Variants in ART4 observed in about 807,000 individuals in gnomAD.
The protein encoded by ART4 is ADP-ribosyltransferase 4 (inactive) (Dombrock blood group), also known as ecto-ADP-ribosyltransferase 4.
A neutral mutation model predicts 24.2 loss-of-function variants in ART4; 14 were observed. That is an observed-to-expected ratio of 0.58 (90% CI 0.38 to 0.90). ART4 has a LOEUF of 0.90. Ranked by LOEUF, ART4 falls within the 40% of genes least tolerant of loss-of-function variation. The pLI is 0.00. For missense variants in ART4, 356 were observed against 366.6 expected, an observed-to-expected ratio of 0.97 and a Z score of 0.24; for synonymous variants, 145 against 139.9, an observed-to-expected ratio of 1.04 and a Z score of -0.26.
chr12:14,840,731 C>T lies in ART4; in HGVS notation c.567G>A (p.Thr189=), dbSNP rs35806937. 179 of 1,614,098 alleles carry T rather than the reference C, an allele frequency of 1.1e-4. No homozygotes were observed. In the African/African-American group the frequency reaches 2.1e-3, roughly 19 times the overall value. ...GTLCYEVHYR[T]KDVHFNAYTG... ...TGTAGGCATTAAAGTGGACATCCTT[C>T]GTCCTATAATGCACCTCATAGCACA... Residue 189 remains threonine, a synonymous_variant, in exon 2 of 3, where the codon ACG becomes ACA. Coordinates refer to ENST00000228936, the MANE Select transcript of ART4 (RefSeq NM_021071.4).
At chr12:14,829,511 T>A (rs1315900446) in intron 2 of ART4, 49 bp from the exon 3 acceptor site, 8 of 1,311,884 alleles carry the variant, frequency 6.1e-6, no homozygotes, top group East Asian at 2.4e-5. Flanking sequence ...GAGTTTTTTT[T>A]AAAACTACCT....
At chr12:14,831,116 A>G (rs754297753) in intron 2 of ART4, among the ~76,000 whole-genome samples, 2 of 152,000 alleles carry the variant, frequency 1.3e-5, no homozygotes, top group Non-Finnish European at 2.9e-5. Context: ...AGCTTCCTGG[A>G]ATGTAATGTC....
Position 14,840,743 on chromosome 12 carries a change from C to G in ART4, c.555G>C (p.Val185=), listed in dbSNP as rs904674521. The stretch of plus-strand genomic sequence containing the variant: ...AGTGGACATCCTTCGTCCTATAATG[C>G]ACCTCATAGCACAGAGTGCCATTCT... ...IMENGTLCYE[V]HYRTKDVHFN... is the part of the protein sequence containing the mutation. The change falls in exon 2 of 3, where the codon GTG becomes GTC. Residue 185 remains valine (V), a synonymous_variant. Coordinates refer to ENST00000228936, the MANE Select transcript of ART4 (RefSeq NM_021071.4). 1 of 1,614,028 alleles carries G rather than the reference C, an allele frequency of 6.2e-7. No individual in the cohort carries two copies. The highest frequency in any genetic ancestry group is 1.3e-5 in the African/African-American group (1 of 74,930).
intron 2 of ART4, among the ~76,000 whole-genome samples, chr12:14,830,345 G>T (rs1950385939): frequency 6.6e-6 from 1 of 151,812 alleles, no homozygotes; most frequent in Non-Finnish European, 1.5e-5. Flanking sequence ...ATAAAGACTG[G>T]AATCTCTTTG....
At chr12:14,837,970 G>T (rs549084604) in intron 2 of ART4, among the ~76,000 whole-genome samples, 1 of 152,218 alleles carries the variant, frequency 6.6e-6, no homozygotes, top group East Asian at 1.9e-4. Context: ...AGTGGGTCTG[G>T]GCTCAAACTG....
In ART4 at chr12:14,828,674, G is replaced by A. The variant is rs1468401242; in HGVS notation, c.*697C>T. ...TTCGTTGGAACTTCAACTGCTTGAT[G>A]CTTGACATAGAAAATCTAATTCAAA... On this transcript the variant is annotated 3_prime_UTR_variant, in exon 3 of 3. Transcript: ENST00000228936. 1.3e-5 allele frequency: 2 copies of A among 152,098 alleles called. No individual in the cohort carries two copies. Among genetic ancestry groups the A allele is most frequent in the East Asian group, 3.9e-4 (2 of 5,190 alleles). 9.4% of individuals were successfully genotyped at this position (152,098 alleles called of 1,614,324 possible).
intron 2 of ART4, among the ~76,000 whole-genome samples, chr12:14,831,599 G>T (rs538490806): frequency 3.6e-4 from 54 of 151,978 alleles, no homozygotes; most frequent in Admixed American, 8.5e-4. Flanking sequence ...TTTTAAAATG[G>T]GAGTGTCCTG....
At chr12:14,834,114 G>T (rs1055944581) in intron 2 of ART4, among the ~76,000 whole-genome samples, 2 of 152,254 alleles carry the variant, frequency 1.3e-5, no homozygotes, top group East Asian at 3.9e-4. Context: ...GAAGAAACAG[G>T]CTCAGAGGTT....
In ART4 at chr12:14,828,618, A is replaced by G. The variant is rs1390836888; in HGVS notation, c.*753T>C. The G allele has an allele frequency of 9.1e-6, 1 of 109,718 alleles. No individual in the cohort carries two copies. Among genetic ancestry groups the G allele is most frequent in the Admixed American group, 1.0e-4 (1 of 10,050 alleles). The allele number at this position is 109,718 out of a possible 1,614,324, so 6.8% of individuals were successfully genotyped here. A position where few individuals can be genotyped will look rare whatever the true frequency, so the allele number is the denominator to read the frequency against. ...TGATTTGTTCCTATTTAGAATAACT[A>G]AATTAAAAAAAATAAGGAAGAGTGC... On this transcript the variant is annotated 3_prime_UTR_variant, in exon 3 of 3. Coordinates refer to ENST00000228936, the MANE Select transcript of ART4 (RefSeq NM_021071.4).
intron 1 of ART4, 48 bp downstream of exon 1, chr12:14,842,922 G>A (rs1475456594): frequency 6.3e-7 from 1 of 1,577,982 alleles, no homozygotes; most frequent in Non-Finnish European, 8.6e-7. Context: ...TGAATGCTCT[G>A]TTGGAGCACT....
intron 2 of ART4, among the ~76,000 whole-genome samples, chr12:14,838,871 AG>A (rs1296676101): frequency 6.6e-6 from 1 of 151,436 alleles, no homozygotes; most frequent in Non-Finnish European, 1.5e-5. Context: ...GCTGACTGTG[AG>A]TGTGAATAAA....
intron 1 of ART4, among the ~76,000 whole-genome samples, chr12:14,842,237 C>G (rs1474087418): frequency 1.3e-5 from 2 of 152,090 alleles, no homozygotes; most frequent in Non-Finnish European, 2.9e-5. Context: ...TCGTAATAAA[C>G]AGTACTCATT....
intron 2 of ART4, among the ~76,000 whole-genome samples, chr12:14,829,949 A>G (rs77891007): frequency 0.074 from 11,280 of 152,220 alleles, 528 homozygotes; most frequent in Non-Finnish European, 0.11. Flanking sequence ...ATGAGAAAAA[A>G]CTTGCCAGTG....
At chr12:14,833,466 C>T (rs944471342) in intron 2 of ART4, among the ~76,000 whole-genome samples, 2 of 152,120 alleles carry the variant, frequency 1.3e-5, no homozygotes, top group African/African-American at 4.8e-5. Context: ...AATAATTTTA[C>T]GCAAATCCCT....
At chr12:14,839,411 G>A (rs1254792775) in intron 2 of ART4, among the ~76,000 whole-genome samples, 6 of 152,172 alleles carry the variant, frequency 3.9e-5, no homozygotes, top group African/African-American at 9.7e-5. Flanking sequence ...CACAGACTGC[G>A]TAATCTGTAA....
chr12:14,837,029 A>C (rs1159718030), intron 2 of ART4, among the ~76,000 whole-genome samples: 1 of 152,104 alleles, frequency 6.6e-6, no homozygotes, highest in Non-Finnish European at 1.5e-5. Context: ...ACACTGCAAT[A>C]CCGAGACAGC....
In ART4 at chr12:14,840,767, C is replaced by T. The variant is rs746923412; in HGVS notation, c.531G>A (p.Glu177=). 2 of 1,614,180 alleles carry T rather than the reference C, an allele frequency of 1.2e-6. No individual in the cohort carries two copies. Among genetic ancestry groups the T allele is most frequent in the African/African-American group, 1.3e-5 (1 of 75,054 alleles). ...IQLLRKDSIM[E]NGTLCYEVHY... is the part of the protein sequence containing the mutation. The stretch of plus-strand genomic sequence containing the variant: ...GCACCTCATAGCACAGAGTGCCATT[C>T]TCCATGATGCTGTCTTTCCTCAGCA... Residue 177 remains glutamate (E), a synonymous_variant, in exon 2 of 3, where the codon GAG becomes GAA. Transcript: ENST00000228936.
chr12:14,830,055 C>T (rs962118576), intron 2 of ART4, among the ~76,000 whole-genome samples: 1 of 151,784 alleles, frequency 6.6e-6, no homozygotes, highest in African/African-American at 2.4e-5. Flanking sequence ...CTGTGTATTA[C>T]ATGTCCATCC....
intron 1 of ART4, among the ~76,000 whole-genome samples, chr12:14,841,501 T>G (rs1316267030): frequency 6.6e-6 from 1 of 152,200 alleles, no homozygotes; most frequent in East Asian, 1.9e-4. Flanking sequence ...TTTCCTCTAC[T>G]TTCCCCCCTC....
Sources: allele counts gnomAD v4.1 joint callset (sites outside exome capture counted in the v4.1 genomes callset), GRCh38; gene constraint gnomAD v4.1.1; transcripts MANE v1.5; gene names NCBI Gene and HGNC (gene_info 2026-07-23, HGNC 2026-07-21).